Variants in ACLY observed in about 807,000 individuals in gnomAD.
ACLY encodes ATP-citrate synthase.
In ACLY, 41 loss-of-function variants were observed where a neutral mutation model predicts 133.0. The ratio of observed to expected loss-of-function variants is 0.31; its 90% CI spans 0.24 to 0.40. The LOEUF is 0.40. ACLY is among the 10% of genes least tolerant of loss of function. The pLI is 1.00. For missense variants in ACLY, 1,046 were observed against 1,453.8 expected (o/e 0.72, Z 4.56); for synonymous variants, 495 against 549.3 (o/e 0.90, Z 1.38).
chr17:41,886,297 G>C lies in ACLY; in HGVS notation c.1887C>G (p.Ile629Met), dbSNP rs781783769. The change falls in exon 18 of 29, where the codon ATC becomes ATG. Residue 629 changes from isoleucine to methionine, a missense_variant. Coordinates refer to ENST00000352035, the MANE Select transcript of ACLY (RefSeq NM_001096.3). ...TGCCAATCTTAAAGCACCCAGGCTTGATGCCTCCAACCTGTGGGGGCAGAA... is the reference window on the plus strand; with the variant it reads ...TGCCAATCTTAAAGCACCCAGGCTTCATGCCTCCAACCTGTGGGGGCAGAA... ...TIIGPATVGG[I>M]KPGCFKIGNT... The C allele has an allele frequency of 1.4e-5, 22 of 1,610,052 alleles. No homozygotes were observed. Among genetic ancestry groups the C allele is most frequent in the Middle Eastern group, 1.7e-4 (1 of 6,048 alleles).
At chr17:41,914,737 C>A (rs144684200) in intron 1 of ACLY, among the ~76,000 whole-genome samples, 2 of 152,132 alleles carry the variant, frequency 1.3e-5, no homozygotes, top group Admixed American at 1.3e-4. Flanking sequence ...CTAACTGGGG[C>A]GGACTGAGAG....
intron 17 of ACLY, among the ~76,000 whole-genome samples, chr17:41,886,943 G>C (rs1567894361): frequency 6.6e-6 from 1 of 151,924 alleles, no homozygotes; most frequent in African/African-American, 2.4e-5. Context: ...GGCTAACATG[G>C]TGAAACCCTG....
chr17:41,871,860 T>C lies in ACLY; in HGVS notation c.2794-28A>G, dbSNP rs1264006088. ...GGAGGAGAAACAAGTGCGTGTTGCC[T>C]TGAGCTTTAAGAGTTTCCTTCAGCT... On this transcript the variant is annotated intron_variant, in intron 24 of 28. Transcript: ENST00000352035. The C allele has an allele frequency of 2.5e-6, 4 of 1,612,468 alleles. No individual in the cohort carries two copies. The African/African-American group carries it at 4.0e-5, about 16-fold the overall frequency.
rs2144187094 is a variant in ACLY, at chr17:41,868,603, A to T, written c.3211+106T>A. On this transcript the variant is annotated intron_variant, in intron 28 of 28. Coordinates refer to ENST00000352035, the MANE Select transcript of ACLY (RefSeq NM_001096.3). The stretch of plus-strand genomic sequence containing the variant: ...AACTGAACCACAAAAAGAAAATTAA[A>T]AAAAAAAAAAAAGAAAGAAAAAGAA... The T allele has an allele frequency of 6.1e-6, 4 of 661,014 alleles. 1 individual carries two copies. The highest frequency in any genetic ancestry group is 6.4e-5 in the East Asian group (2 of 31,222). 40.9% of individuals were successfully genotyped at this position (661,014 alleles called of 1,614,324 possible).
chr17:41,894,407 G>A (rs1430190856), intron 14 of ACLY, among the ~76,000 whole-genome samples: 4 of 149,354 alleles, frequency 2.7e-5, no homozygotes, highest in Non-Finnish European at 4.4e-5. Context: ...AAAGGGTAAG[G>A]GAACAAAAGG....
chr17:41,921,844 A>G (rs2050187325), upstream of ACLY, among the ~76,000 whole-genome samples: 1 of 151,992 alleles, frequency 6.6e-6, no homozygotes, highest in Non-Finnish European at 1.5e-5. Context: ...ACACACCTGT[A>G]GTCCAAGCTA....
rs532511120 is a variant in ACLY at position 41,878,861 on chromosome 17, G to C, written c.2329C>G (p.Gln777Glu). The C allele has an allele frequency of 2.5e-6, 4 of 1,614,104 alleles. No homozygotes were observed. The highest frequency in any genetic ancestry group is 4.5e-5 in the East Asian group (2 of 44,884). Residue 777 changes from glutamine (Q) to glutamate (E), a missense_variant, in exon 21 of 29, where the codon CAG becomes GAG. Around this residue, in one of 4 missense-constraint regions of ACLY, gnomAD observed 575 missense variants for 804.2 expected, o/e 0.71. Coordinates refer to ENST00000352035, the MANE Select transcript of ACLY (RefSeq NM_001096.3). ...QASETAVAKNQALKEAGVFVP... is the reference protein window; with the variant it reads ...QASETAVAKNEALKEAGVFVP... ...AACACTCCTGCTTCCTTCAAAGCCT[G>C]GTTCTTGGCTACTGCAGTTTCAGAA...
chr17:41,925,375 T>C (rs1439264774), intron 1 of ACLY, among the ~76,000 whole-genome samples: 2 of 150,212 alleles, frequency 1.3e-5, no homozygotes, highest in East Asian at 2.0e-4. Flanking sequence ...GGCAGGAGGA[T>C]TGCCTGAGCT....
chr17:41,924,311 AT>A (rs1201140026), intron 1 of ACLY, among the ~76,000 whole-genome samples: 62 of 141,190 alleles, frequency 4.4e-4, no homozygotes, highest in Non-Finnish European at 4.6e-4. Context: ...CACCCGGCTG[AT>A]TTTTTTTTTT....
intron 1 of ACLY, among the ~76,000 whole-genome samples, chr17:41,917,314 T>C (rs1555634708): frequency 2.6e-5 from 4 of 152,104 alleles, no homozygotes. Context: ...GAACTGTTAC[T>C]TGGTAACAGC....
intron 4 of ACLY, among the ~76,000 whole-genome samples, 196 bp downstream of exon 4, chr17:41,910,026 T>G (rs1297771906): frequency 5.3e-5 from 8 of 152,116 alleles, no homozygotes; most frequent in Non-Finnish European, 1.0e-4. Context: ...TCCTAACTCC[T>G]CTCTGCTGTA....
rs370017945 is a variant in ACLY at position 41,869,044 on chromosome 17, G to C, written c.3133C>G (p.Arg1045Gly). 3.1e-6 allele frequency: 5 copies of C among 1,610,474 alleles called. No individual in the cohort carries two copies. In the African/African-American group the frequency reaches 6.7e-5, roughly 22 times the overall value. Reference protein sequence around the residue: ...DMLRNCGSFTREEADEYIDIG... With the variant: ...DMLRNCGSFTGEEADEYIDIG... ...GAAGAAAACAGCTACAATGCTCACC[G>C]AGTAAAGGACCCACAGTTTCTAAGC... The change falls in exon 27 of 29, where the codon CGG becomes GGG. Residue 1045 changes from arginine to glycine, a missense_variant and splice_region_variant. Arg to Gly is a moderately radical substitution (Grantham distance 125, BLOSUM62 -2). Transcript: ENST00000352035.
chr17:41,871,984 C>T (rs782457690), intron 24 of ACLY, 48 bp downstream of exon 24: 3 of 1,608,580 alleles, frequency 1.9e-6, no homozygotes, highest in South Asian at 1.1e-5. Context: ...AGCATGAGGC[C>T]AAGGCCCAGT....
At chr17:41,914,628 A>T (rs782125127) in intron 1 of ACLY, among the ~76,000 whole-genome samples, 1 of 152,148 alleles carries the variant, frequency 6.6e-6, no homozygotes, top group Non-Finnish European at 1.5e-5. Context: ...CCTTTAGCAC[A>T]TTCCACCCGC....
At chr17:41,885,690 TA>T (rs1555628030) in intron 18 of ACLY, among the ~76,000 whole-genome samples, 1 of 152,226 alleles carries the variant, frequency 6.6e-6, no homozygotes, top group African/African-American at 2.4e-5. Context: ...GGGTATTATT[TA>T]CCCATTTGAT....
chr17:41,898,858 A>G, intron 11 of ACLY, 73 bp from the exon 12 acceptor site: 1 of 1,472,564 alleles, frequency 6.8e-7, no homozygotes, highest in Admixed American at 2.1e-5. Flanking sequence ...GACCCTGCAA[A>G]GGGCCTTTTA....
At chr17:41,885,381 G>A (rs1184888153) in intron 18 of ACLY, among the ~76,000 whole-genome samples, 8 of 152,110 alleles carry the variant, frequency 5.3e-5, no homozygotes, top group South Asian at 2.1e-4. Context: ...CCAGGGAGAC[G>A]AACAAGGTGA....
At chr17:41,925,248 C>A (rs752551248) in intron 1 of ACLY, among the ~76,000 whole-genome samples, 1 of 150,772 alleles carries the variant, frequency 6.6e-6, no homozygotes, top group Non-Finnish European at 1.5e-5. Context: ...CCACCCTGGG[C>A]GACAGAGCGA....
At chr17:41,912,957 T>G (rs1159271263) in intron 2 of ACLY, among the ~76,000 whole-genome samples, 3 of 152,106 alleles carry the variant, frequency 2.0e-5, no homozygotes, top group Non-Finnish European at 4.4e-5. Context: ...GGTCATCTGG[T>G]CAACCCCATC....
Sources: allele counts gnomAD v4.1 joint callset (sites outside exome capture counted in the v4.1 genomes callset), GRCh38; gene constraint gnomAD v4.1.1; regional missense constraint gnomAD v4.1.1; transcripts MANE v1.5; gene names NCBI Gene and HGNC (gene_info 2026-07-23, HGNC 2026-07-21).